Variants in GLE1 observed in about 807,000 individuals in gnomAD.
GLE1 encodes the protein GLE1 RNA export mediator.
A neutral mutation model predicts 97.3 loss-of-function variants in GLE1; 78 were observed. The ratio of observed to expected loss-of-function variants is 0.80; its 90% CI spans 0.67 to 0.97. The LOEUF is 0.97. GLE1 is among the 50% of genes least tolerant of loss of function. The pLI is 0.00. For missense variants in GLE1, 753 were observed against 857.5 expected (o/e 0.88, Z 1.52); for synonymous variants, 302 against 313.4 (o/e 0.96, Z 0.39).
At chr9:128,521,659 A>G (rs531023178) in intron 3 of GLE1, among the ~76,000 whole-genome samples, 6 of 152,348 alleles carry the variant, frequency 3.9e-5, no homozygotes, top group African/African-American at 1.4e-4. Context: ...AGGGCTGCAT[A>G]GTATTCTGCA....
At chr9:128,512,950 G>A (rs975240207) in intron 2 of GLE1, among the ~76,000 whole-genome samples, 13 of 152,124 alleles carry the variant, frequency 8.5e-5, no homozygotes, top group African/African-American at 2.7e-4. Flanking sequence ...TGCCCAGCCC[G>A]AGGTTATTTT....
chr9:128,526,253 C>T (rs1240760346), intron 7 of GLE1, among the ~76,000 whole-genome samples: 1 of 151,990 alleles, frequency 6.6e-6, no homozygotes, highest in Non-Finnish European at 1.5e-5. Context: ...AACTCCTGAC[C>T]TCATGATCCA....
At chr9:128,529,685 T>C (rs972731704) in intron 9 of GLE1, among the ~76,000 whole-genome samples, 35 of 151,654 alleles carry the variant, frequency 2.3e-4, no homozygotes, top group African/African-American at 8.5e-4. Context: ...TCACTACCCT[T>C]TCCTCTCTCT....
intron 7 of GLE1, among the ~76,000 whole-genome samples, chr9:128,526,523 A>AT (rs1301816326): frequency 6.6e-6 from 1 of 151,562 alleles, no homozygotes; most frequent in Non-Finnish European, 1.5e-5. Flanking sequence ...CACCTGGCTA[A>AT]TTTTTTTGTA....
intron 3 of GLE1, among the ~76,000 whole-genome samples, chr9:128,520,016 C>T (rs1339231135): frequency 6.6e-6 from 1 of 152,144 alleles, no homozygotes. Context: ...CTTTGGGAGG[C>T]TGAGGCGGGA....
chr9:128,516,375 A>G (rs1007865247), intron 3 of GLE1, among the ~76,000 whole-genome samples: 8 of 152,028 alleles, frequency 5.3e-5, no homozygotes, highest in Admixed American at 4.6e-4. Flanking sequence ...GCTGTAGTAC[A>G]GTGGCACCAT....
chr9:128,526,060 T>G (rs1847292037), intron 7 of GLE1, among the ~76,000 whole-genome samples: 1 of 152,046 alleles, frequency 6.6e-6, no homozygotes, highest in South Asian at 2.1e-4. Flanking sequence ...TTGCTCTTGT[T>G]GCCCAGGCTG....
chr9:128,525,161 C>T (rs1245804996), intron 6 of GLE1, 31 bp from the exon 7 acceptor site: 1 of 1,510,840 alleles, frequency 6.6e-7, no homozygotes, highest in Non-Finnish European at 9.2e-7. Flanking sequence ...TAGGGAATGA[C>T]CACTAAGCAC....
At chr9:128,540,635 T>C (rs929509722) in intron 15 of GLE1, 2 of 416,440 alleles carry the variant, frequency 4.8e-6, no homozygotes. Context: ...CCAAGGTTAT[T>C]TTCTTAGTCT....
chr9:128,527,156 A>G (rs913653309), intron 7 of GLE1, 23 bp from the exon 8 acceptor site: 7 of 1,299,952 alleles, frequency 5.4e-6, no homozygotes, highest in Non-Finnish European at 7.8e-6. Context: ...AGCTATTACT[A>G]AAACCTCTCT....
At chr9:128,508,284 C>T (rs1305289971) in intron 1 of GLE1, among the ~76,000 whole-genome samples, 1 of 151,716 alleles carries the variant, frequency 6.6e-6, no homozygotes, top group Non-Finnish European at 1.5e-5. Context: ...TGCCTGTACT[C>T]CCAGCTGCTG....
At chr9:128,515,043 A>C (rs1251516017) in intron 2 of GLE1, among the ~76,000 whole-genome samples, 2 of 151,836 alleles carry the variant, frequency 1.3e-5, no homozygotes, top group East Asian at 3.9e-4. Context: ...ATGGTCTCGA[A>C]CTCCTGACTT....
intron 3 of GLE1, among the ~76,000 whole-genome samples, 190 bp downstream of exon 3, chr9:128,515,829 C>T (rs1332429442): frequency 5.3e-5 from 8 of 152,156 alleles, no homozygotes; most frequent in Non-Finnish European, 1.2e-4. Flanking sequence ...CTGGCTGTTA[C>T]ATTTTACATG....
At chr9:128,514,351 A>C (rs1023282820) in intron 2 of GLE1, among the ~76,000 whole-genome samples, 10 of 151,860 alleles carry the variant, frequency 6.6e-5, no homozygotes, top group African/African-American at 1.4e-4. Flanking sequence ...AAAAAAAAAA[A>C]AAAAAAAACT....
At chr9:128,531,613 C>G (rs1847510486) in intron 9 of GLE1, among the ~76,000 whole-genome samples, 1 of 150,900 alleles carries the variant, frequency 6.6e-6, no homozygotes, top group East Asian at 2.0e-4. Flanking sequence ...AGACAGATCA[C>G]TTGAGGTCAG....
chr9:128,525,725 G>A (rs1847282723), intron 7 of GLE1, among the ~76,000 whole-genome samples: 1 of 152,070 alleles, frequency 6.6e-6, no homozygotes, highest in South Asian at 2.1e-4. Context: ...AGGAGTTCGA[G>A]ACCAGCCTGG....
intron 3 of GLE1, among the ~76,000 whole-genome samples, chr9:128,521,496 T>A (rs963980903): frequency 1.3e-5 from 2 of 152,292 alleles, no homozygotes; most frequent in Admixed American, 1.3e-4. Context: ...AGTGTGCCAC[T>A]GCACTCTAGC....
At chr9:128,541,039 A>C (rs932830105) in intron 15 of GLE1, 63 bp from the exon 16 acceptor site, 10 of 927,392 alleles carry the variant, frequency 1.1e-5, no homozygotes, top group Admixed American at 1.7e-5. Flanking sequence ...TCTTTTAACC[A>C]TTAAGTGTTG....
intron 5 of GLE1, 125 bp downstream of exon 5, chr9:128,523,465 C>T (rs1847210473): frequency 5.0e-6 from 7 of 1,409,604 alleles, no homozygotes; most frequent in East Asian, 2.3e-5. Context: ...TATGACTAAC[C>T]TTGGGATGTC....
Sources: allele counts gnomAD v4.1 joint callset (sites outside exome capture counted in the v4.1 genomes callset), GRCh38; gene constraint gnomAD v4.1.1; transcripts MANE v1.5; gene names NCBI Gene and HGNC (gene_info 2026-07-23, HGNC 2026-07-21).